BMPER: variants seen among roughly 807,000 people sequenced by gnomAD.
BMPER encodes BMP binding endothelial regulator, also known as BMP-binding endothelial regulator protein.
Under a neutral mutation model 87.3 loss-of-function variants are expected in BMPER, and 45 were observed. That is an observed-to-expected ratio of 0.52 (90% CI 0.41 to 0.66). The LOEUF (loss-of-function observed/expected upper bound fraction) is 0.66, where lower values mean the gene tolerates loss of function less well. BMPER is among the 30% of genes least tolerant of loss of function. The pLI is 0.00. For synonymous variants in BMPER, 326 were observed against 316.2 expected (o/e 1.03, Z -0.33); for missense variants, 784 against 867.5 (o/e 0.90, Z 1.21).
At chr7:33,986,546 G>GT (rs1395111116) in intron 6 of BMPER, among the ~76,000 whole-genome samples, 1 of 152,134 alleles carries the variant, frequency 6.6e-6, no homozygotes, top group Non-Finnish European at 1.5e-5. Context: ...AATATTCATG[G>GT]TTTTAATGAG....
intron 8 of BMPER, among the ~76,000 whole-genome samples, chr7:34,054,912 C>T (rs896067643): frequency 1.3e-5 from 2 of 152,106 alleles, no homozygotes; most frequent in Non-Finnish European, 2.9e-5. Context: ...GTCTCTGGAA[C>T]GTGAAATCAT....
At chr7:33,944,041 T>C (rs1784825579) in intron 3 of BMPER, among the ~76,000 whole-genome samples, 1 of 152,226 alleles carries the variant, frequency 6.6e-6, no homozygotes, top group African/African-American at 2.4e-5. Flanking sequence ...GGTCCAGTAT[T>C]GCAGAACTTC....
At chr7:33,934,402 G>A (rs1200591092) in intron 2 of BMPER, among the ~76,000 whole-genome samples, 3 of 151,774 alleles carry the variant, frequency 2.0e-5, no homozygotes, top group Non-Finnish European at 4.4e-5. Context: ...ATCAGATATG[G>A]CAGTTCTGTA....
At chr7:34,026,584 C>T (rs1480016216) in intron 6 of BMPER, among the ~76,000 whole-genome samples, 2 of 151,996 alleles carry the variant, frequency 1.3e-5, no homozygotes, top group Non-Finnish European at 2.9e-5. Flanking sequence ...GAAGGAATAG[C>T]GGGCTTCTCA....
intron 6 of BMPER, among the ~76,000 whole-genome samples, chr7:33,980,288 A>T (rs866824037): frequency 6.6e-6 from 1 of 152,228 alleles, no homozygotes; most frequent in African/African-American, 2.4e-5. Flanking sequence ...TAGCGGTCTG[A>T]GTCATACCAG....
intron 2 of BMPER, among the ~76,000 whole-genome samples, chr7:33,924,658 A>C (rs76575385): frequency 0.014 from 2,069 of 151,346 alleles, 67 homozygotes; most frequent in East Asian, 0.12. Flanking sequence ...TATTTTCTTT[A>C]TTTCTTTCTT....
chr7:33,918,018 T>G (rs1784129037), intron 2 of BMPER, among the ~76,000 whole-genome samples: 1 of 152,152 alleles, frequency 6.6e-6, no homozygotes, highest in South Asian at 2.1e-4. Context: ...TTTATTTTTA[T>G]TTTTTGTAGA....
At chr7:34,135,320 A>C (rs1394795295) in intron 13 of BMPER, among the ~76,000 whole-genome samples, 1 of 152,146 alleles carries the variant, frequency 6.6e-6, no homozygotes, top group Non-Finnish European at 1.5e-5. Context: ...CAGGAAGATG[A>C]AAATACAAGG....
chr7:33,992,516 C>T (rs910364120), intron 6 of BMPER, among the ~76,000 whole-genome samples: 1 of 148,978 alleles, frequency 6.7e-6, no homozygotes, highest in African/African-American at 2.5e-5. Context: ...TGTGTCTCTG[C>T]ACGTGAGATG....
chr7:34,106,399 A>G lies in BMPER; in HGVS notation c.1745+20307A>G, dbSNP rs188761693. 7.2e-5 allele frequency among the ~76,000 whole-genome samples: 11 copies of G among 152,326 alleles called. 1 individual carries two copies. Among genetic ancestry groups the G allele is most frequent in the Non-Finnish European group, 1.6e-4 (11 of 68,028 alleles). On this transcript the variant is annotated intron_variant, in intron 13 of 14. Transcript: ENST00000649409. The stretch of plus-strand genomic sequence containing the variant: ...TCCTTGTCTGTAAAATGAGATGAAT[A>G]AGAGCTACACTCTGGGTGGTTGTTC...
At chr7:33,954,577 A>G (rs574436991) in intron 3 of BMPER, among the ~76,000 whole-genome samples, 1 of 152,350 alleles carries the variant, frequency 6.6e-6, no homozygotes, top group East Asian at 1.9e-4. Flanking sequence ...ACCACTGACT[A>G]CAAGCCAGGT....
At chr7:34,080,815 G>A (rs2127974857) in intron 12 of BMPER, among the ~76,000 whole-genome samples, 1 of 152,226 alleles carries the variant, frequency 6.6e-6, no homozygotes, top group African/African-American at 2.4e-5. Context: ...CAGCCTAAGA[G>A]GTTCGATAGT....
rs146121931 is a variant in BMPER at position 33,988,456 on chromosome 7, A to G, written c.576+13672A>G. Reference sequence around the variant, plus strand: ...GCCCAGAAAAACATCAGATTGTAAGAGAATTTTTTTTTCCAACACAGAAAT... The same window carrying G: ...GCCCAGAAAAACATCAGATTGTAAGGGAATTTTTTTTTCCAACACAGAAAT... On this transcript the variant is annotated intron_variant, in intron 6 of 14. Coordinates refer to ENST00000649409, the MANE Select transcript of BMPER (RefSeq NM_001365308.1). Among the ~76,000 whole-genome samples, 141 of 152,318 alleles carry G rather than the reference A, an allele frequency of 9.3e-4. 5 individuals are homozygous for G. The East Asian group carries it at 0.019, about 20-fold the overall frequency.
intron 6 of BMPER, among the ~76,000 whole-genome samples, chr7:34,038,330 G>C (rs1787740016): frequency 2.0e-5 from 3 of 152,164 alleles, no homozygotes; most frequent in Non-Finnish European, 4.4e-5. Context: ...TGAAGATGGA[G>C]GAGGGGGCCA....
intron 3 of BMPER, among the ~76,000 whole-genome samples, chr7:33,957,142 G>T (rs1785165594): frequency 6.6e-6 from 1 of 151,996 alleles, no homozygotes; most frequent in South Asian, 2.1e-4. Context: ...CTGCTGTGAT[G>T]AATAAATGTT....
chr7:34,030,403 G>C (rs1252684076), intron 6 of BMPER, among the ~76,000 whole-genome samples: 1 of 152,136 alleles, frequency 6.6e-6, no homozygotes, highest in African/African-American at 2.4e-5. Flanking sequence ...ATAAGTTTGA[G>C]AAACACCATA....
intron 6 of BMPER, among the ~76,000 whole-genome samples, chr7:33,996,947 T>G (rs933783078): frequency 6.6e-6 from 1 of 152,212 alleles, no homozygotes; most frequent in Non-Finnish European, 1.5e-5. Flanking sequence ...TTTCCAGTGC[T>G]CAATCGCACA....
At chr7:34,092,239 C>T (rs1383404997) in intron 13 of BMPER, among the ~76,000 whole-genome samples, 3 of 152,194 alleles carry the variant, frequency 2.0e-5, no homozygotes, top group Non-Finnish European at 4.4e-5. Flanking sequence ...CTTCTTATTG[C>T]ACAAGTCTAT....
chr7:33,922,103 A>C (rs1305407845), intron 2 of BMPER: 4 of 281,982 alleles, frequency 1.4e-5, no homozygotes, highest in African/African-American at 8.8e-5. Context: ...GGAGAGTGTA[A>C]AGTCAAGCCG....
Sources: allele counts gnomAD v4.1 joint callset (sites outside exome capture counted in the v4.1 genomes callset), GRCh38; gene constraint gnomAD v4.1.1; transcripts MANE v1.5; gene names NCBI Gene and HGNC (gene_info 2026-07-23, HGNC 2026-07-21).